The following TENM3 variants were observed in gnomAD, a reference collection of about 807,000 sequenced individuals.
TENM3 encodes the protein teneurin transmembrane protein 3.
A neutral mutation model predicts 255.1 loss-of-function variants in TENM3; 63 were observed. The observed-to-expected ratio is 0.25, with a 90% confidence interval of 0.20 to 0.30. The LOEUF (loss-of-function observed/expected upper bound fraction) is 0.30, where lower values mean the gene tolerates loss of function less well. Among genes scored for constraint, TENM3 ranks in the 10% least tolerant of loss-of-function variants. The pLI is 1.00. For missense variants in TENM3, 2,929 were observed against 3,461.1 expected (o/e 0.85, Z 3.86); for synonymous variants, 1,306 against 1,322.3 (o/e 0.99, Z 0.27).
At chr4:181,971,272 G>GC in the TENM3 span, among the ~76,000 whole-genome samples, 1,786 of 152,310 alleles carry the variant, frequency 0.012, 18 homozygotes, top group Non-Finnish European at 0.019. Flanking sequence ...TGTTCTGTTT[G>GC]CCCCTTCATA....
At chr4:182,035,507 A>G in the TENM3 span, among the ~76,000 whole-genome samples, 1 of 152,132 alleles carries the variant, frequency 6.6e-6, no homozygotes, top group African/African-American at 2.4e-5. Flanking sequence ...GAATTCTGGA[A>G]CTCCCTACCA....
intron 4 of TENM3, among the ~76,000 whole-genome samples, chr4:182,626,700 A>G (rs1750847063): frequency 6.6e-6 from 1 of 152,228 alleles, no homozygotes; most frequent in South Asian, 2.1e-4. Context: ...CACTTAATTC[A>G]GGCTATAAAC....
At position 182,551,162 on chromosome 4, in the gene TENM3, C is replaced by T. The variant is rs1383182688; in HGVS notation, c.512-49762C>T. Reference sequence around the variant, plus strand: ...GCTTGAACCCGGGAGGTGGAGGTTGCAGTGAGCTGAGATCACTCCACTGAC... The same window carrying T: ...GCTTGAACCCGGGAGGTGGAGGTTGTAGTGAGCTGAGATCACTCCACTGAC... On this transcript the variant is annotated intron_variant, in intron 3 of 27. Transcript: ENST00000511685. 5.4e-5 allele frequency among the ~76,000 whole-genome samples: 8 copies of T among 146,930 alleles called. No homozygotes were observed. In the East Asian group the frequency reaches 1.2e-3, roughly 22 times the overall value.
At chr4:182,539,266 C>G (rs967617942) in intron 3 of TENM3, among the ~76,000 whole-genome samples, 1 of 151,678 alleles carries the variant, frequency 6.6e-6, no homozygotes, top group Non-Finnish European at 1.5e-5. Context: ...GGGACCTAAT[C>G]AGTGGTGTAG....
In TENM3 at chr4:182,689,187, C is replaced by T. The variant is rs148698146; in HGVS notation, c.2221+836C>T. Among the ~76,000 whole-genome samples the T allele has an allele frequency of 2.0e-3, 297 of 152,222 alleles. 1 individual carries two copies. The highest frequency in any genetic ancestry group is 6.6e-3 in the African/African-American group (276 of 41,548). Reference sequence around the variant, plus strand: ...TACACAGTATTAATTATAAGTGGCACGGTCCTACCAAAATTTCAGAATTTG... The same window carrying T: ...TACACAGTATTAATTATAAGTGGCATGGTCCTACCAAAATTTCAGAATTTG... On this transcript the variant is annotated intron_variant, in intron 12 of 27. Coordinates refer to ENST00000511685, the MANE Select transcript of TENM3 (RefSeq NM_001080477.4).
chr4:182,033,007 G>A, the TENM3 span, among the ~76,000 whole-genome samples: 1 of 106,904 alleles, frequency 9.4e-6, no homozygotes, highest in Non-Finnish European at 2.3e-5. Context: ...AGGATTTGTT[G>A]ATTTTTGAAG....
chr4:181,794,296 G>A, the TENM3 span, among the ~76,000 whole-genome samples: 3 of 149,564 alleles, frequency 2.0e-5, no homozygotes, highest in South Asian at 4.3e-4. Flanking sequence ...TGTGTGTGGT[G>A]AGAACAGTTA....
At chr4:181,813,741 C>A in the TENM3 span, among the ~76,000 whole-genome samples, 1 of 151,976 alleles carries the variant, frequency 6.6e-6, no homozygotes, top group South Asian at 2.1e-4. Context: ...GAGGGGAGTG[C>A]AAAGAAGAAA....
chr4:181,578,835 C>T, the TENM3 span, among the ~76,000 whole-genome samples: 4 of 152,066 alleles, frequency 2.6e-5, no homozygotes, highest in South Asian at 2.1e-4. Flanking sequence ...CTCATTTTAC[C>T]GTATTCACCT....
chr4:181,653,613 A>C, the TENM3 span, among the ~76,000 whole-genome samples: 2 of 150,502 alleles, frequency 1.3e-5, no homozygotes, highest in South Asian at 4.2e-4. Context: ...GTTGGCCAGG[A>C]TGCTCTTGAT....
At chr4:182,238,131 T>G (rs1018601681) in intron 1 of TENM3, among the ~76,000 whole-genome samples, 3 of 152,286 alleles carry the variant, frequency 2.0e-5, no homozygotes, top group East Asian at 3.9e-4. Context: ...AGAAACAGTC[T>G]CAGGGTCTCA....
intron 3 of TENM3, among the ~76,000 whole-genome samples, chr4:182,560,219 C>G (rs1743017049): frequency 6.6e-6 from 1 of 151,772 alleles, no homozygotes; most frequent in Admixed American, 6.6e-5. Flanking sequence ...TAGTTTAATG[C>G]AAACACACAC....
chr4:182,605,188 A>G (rs1203278366), intron 4 of TENM3, among the ~76,000 whole-genome samples: 1 of 152,152 alleles, frequency 6.6e-6, no homozygotes, highest in Non-Finnish European at 1.5e-5. Context: ...ATAACTAATA[A>G]ACTACCATTA....
At chr4:181,893,003 A>G in the TENM3 span, among the ~76,000 whole-genome samples, 1 of 152,186 alleles carries the variant, frequency 6.6e-6, no homozygotes, top group Non-Finnish European at 1.5e-5. Flanking sequence ...TCCCCAATTC[A>G]GTTATTTCTA....
the TENM3 span, among the ~76,000 whole-genome samples, chr4:182,089,585 C>T: frequency 6.6e-6 from 1 of 152,064 alleles, no homozygotes. Context: ...TTAAAAAAAC[C>T]ATTGGACTCT....
the TENM3 span, among the ~76,000 whole-genome samples, chr4:182,028,561 CT>C: frequency 6.6e-6 from 1 of 151,880 alleles, no homozygotes; most frequent in Non-Finnish European, 1.5e-5. Context: ...AGTTTTTCTT[CT>C]TTTTTGATGT....
chr4:181,809,116 G>A, the TENM3 span, among the ~76,000 whole-genome samples: 1 of 152,172 alleles, frequency 6.6e-6, no homozygotes, highest in Non-Finnish European at 1.5e-5. Flanking sequence ...CACAGGAGTG[G>A]CTTCAATGAT....
intron 3 of TENM3, among the ~76,000 whole-genome samples, chr4:182,381,366 C>A (rs1477351752): frequency 6.6e-6 from 1 of 152,114 alleles, no homozygotes; most frequent in Admixed American, 6.5e-5. Context: ...AAAAAAGACT[C>A]AGGATGTTAA....
chr4:182,453,816 T>C (rs965539443), intron 3 of TENM3, among the ~76,000 whole-genome samples: 2 of 152,208 alleles, frequency 1.3e-5, no homozygotes, highest in Non-Finnish European at 2.9e-5. Flanking sequence ...AAGTTTAACA[T>C]TGTTAACCTT....
Sources: allele counts gnomAD v4.1 joint callset (sites outside exome capture counted in the v4.1 genomes callset), GRCh38; gene constraint gnomAD v4.1.1; transcripts MANE v1.5; gene names NCBI Gene and HGNC (gene_info 2026-07-23, HGNC 2026-07-21).